The following TASP1 variants were observed in gnomAD, a reference collection of about 807,000 sequenced individuals.
TASP1 encodes taspase 1.
Under a neutral mutation model 56.6 loss-of-function variants are expected in TASP1, and 16 were observed. The observed-to-expected ratio is 0.28, with a 90% CI of 0.19 to 0.43. The LOEUF is 0.43. Among genes scored for constraint, TASP1 ranks in the 20% least tolerant of loss-of-function variants. The pLI is 1.00. For missense variants in TASP1, 393 were observed against 511.6 expected, an observed-to-expected ratio of 0.77 and a Z score of 2.24; for synonymous variants, 179 against 184.2, an observed-to-expected ratio of 0.97 and a Z score of 0.23.
chr20:13,397,701 G>A (rs947403953), intron 13 of TASP1, among the ~76,000 whole-genome samples: 1 of 152,216 alleles, frequency 6.6e-6, no homozygotes, highest in African/African-American at 2.4e-5. Flanking sequence ...AGAGAAATCG[G>A]TTTGAGCCTC....
At chr20:13,249,168 GA>G in the TASP1 span, among the ~76,000 whole-genome samples, 2 of 152,130 alleles carry the variant, frequency 1.3e-5, no homozygotes, top group African/African-American at 4.8e-5. Flanking sequence ...GATCTGGGGG[GA>G]AAAAGCCAAA....
the TASP1 span, among the ~76,000 whole-genome samples, chr20:13,225,868 A>T: frequency 6.6e-6 from 1 of 152,200 alleles, no homozygotes; most frequent in South Asian, 2.1e-4. Context: ...ATGATAAAAC[A>T]TACATAGATA....
chr20:13,177,675 TC>T, the TASP1 span, among the ~76,000 whole-genome samples: 1 of 152,168 alleles, frequency 6.6e-6, no homozygotes, highest in African/African-American at 2.4e-5. Flanking sequence ...GACTGTCTCT[TC>T]AATAAATGGT....
chr20:13,372,249 C>T, the TASP1 span, among the ~76,000 whole-genome samples: 1 of 152,112 alleles, frequency 6.6e-6, no homozygotes, highest in Non-Finnish European at 1.5e-5. Context: ...GTGGGTGCCT[C>T]GTTCAATGAA....
At chr20:13,388,207 C>G (rs2041178259), downstream of TASP1, among the ~76,000 whole-genome samples, 1 of 152,204 alleles carries the variant, frequency 6.6e-6, no homozygotes, top group South Asian at 2.1e-4. Flanking sequence ...GTTATTTTCT[C>G]ATCTGTTTCT....
chr20:13,504,478 G>A (rs188378364), intron 10 of TASP1, among the ~76,000 whole-genome samples: 1 of 152,216 alleles, frequency 6.6e-6, no homozygotes, highest in African/African-American at 2.4e-5. Context: ...AGTTCTACTA[G>A]CTGAAATGAA....
chr20:13,553,196 C>T (rs920931370), intron 8 of TASP1, among the ~76,000 whole-genome samples: 1 of 152,102 alleles, frequency 6.6e-6, no homozygotes, highest in Non-Finnish European at 1.5e-5. Context: ...CCTCTTGCCT[C>T]GGCCTCCCAA....
At chr20:13,555,096 A>C (rs2046110323) in intron 8 of TASP1, among the ~76,000 whole-genome samples, 2 of 152,236 alleles carry the variant, frequency 1.3e-5, no homozygotes, top group Admixed American at 1.3e-4. Flanking sequence ...TAATATTTTA[A>C]ATCCTGGCTG....
At chr20:13,375,774 T>C in the TASP1 span, among the ~76,000 whole-genome samples, 7 of 152,240 alleles carry the variant, frequency 4.6e-5, no homozygotes, top group Non-Finnish European at 1.0e-4. Flanking sequence ...ATGATTGCCA[T>C]TCTAACTGGC....
the TASP1 span, among the ~76,000 whole-genome samples, chr20:13,176,815 C>A: frequency 0.023 from 3,530 of 152,168 alleles, 61 homozygotes; most frequent in South Asian, 0.03. Flanking sequence ...TGTATATGAA[C>A]AACAAACTAG....
chr20:13,283,883 G>A, the TASP1 span, among the ~76,000 whole-genome samples: 1 of 152,194 alleles, frequency 6.6e-6, no homozygotes, highest in South Asian at 2.1e-4. Flanking sequence ...CCTTTATAAT[G>A]TTTAATTATG....
chr20:13,555,306 C>G (rs983507350), intron 8 of TASP1, among the ~76,000 whole-genome samples: 8 of 145,290 alleles, frequency 5.5e-5, no homozygotes, highest in African/African-American at 2.5e-5. Flanking sequence ...ATTGCTTGAA[C>G]CTGTGAGGCG....
At chr20:13,574,158 G>A (rs1420215778) in intron 6 of TASP1, among the ~76,000 whole-genome samples, 1 of 151,614 alleles carries the variant, frequency 6.6e-6, no homozygotes, top group Non-Finnish European at 1.5e-5. Context: ...AGTTCAGACA[G>A]CCAGGAACAA....
chr20:13,342,214 T>G, the TASP1 span, among the ~76,000 whole-genome samples: 1 of 152,190 alleles, frequency 6.6e-6, no homozygotes, highest in Non-Finnish European at 1.5e-5. Flanking sequence ...TTCCCAAGTC[T>G]TCTCCGCCCA....
chr20:13,460,298 T>C (rs1272220205), intron 11 of TASP1, among the ~76,000 whole-genome samples: 4 of 152,186 alleles, frequency 2.6e-5, no homozygotes, highest in Non-Finnish European at 4.4e-5. Flanking sequence ...CACAAACTCC[T>C]GGATTTTCTC....
intron 11 of TASP1, among the ~76,000 whole-genome samples, chr20:13,464,652 A>G (rs1441691491): frequency 6.6e-6 from 1 of 152,210 alleles, no homozygotes. Context: ...GCCAGTTGCA[A>G]AAGGTCAAAT....
At chr20:13,322,971 A>G in the TASP1 span, among the ~76,000 whole-genome samples, 2 of 152,180 alleles carry the variant, frequency 1.3e-5, no homozygotes, top group Non-Finnish European at 2.9e-5. Context: ...GGATTACTGT[A>G]GGAAGAGACA....
chr20:13,211,813 T>G, the TASP1 span, among the ~76,000 whole-genome samples: 2 of 152,172 alleles, frequency 1.3e-5, no homozygotes, highest in Admixed American at 1.3e-4. Flanking sequence ...CACAGTTTCT[T>G]TTTGTAAGTT....
intron 10 of TASP1, among the ~76,000 whole-genome samples, chr20:13,497,676 A>T (rs1601005393): frequency 1.3e-5 from 2 of 152,228 alleles, no homozygotes; most frequent in African/African-American, 4.8e-5. Context: ...CCAAAGAGAC[A>T]GGGCAATCCT....
Sources: allele counts gnomAD v4.1 joint callset (sites outside exome capture counted in the v4.1 genomes callset), GRCh38; gene constraint gnomAD v4.1.1; transcripts MANE v1.5; gene names NCBI Gene and HGNC (gene_info 2026-07-23, HGNC 2026-07-21).